Variants in SMPDL3B observed in about 807,000 individuals in gnomAD.
SMPDL3B encodes sphingomyelin phosphodiesterase acid like 3B.
In SMPDL3B, 31 loss-of-function variants were observed where a neutral mutation model predicts 37.9. The observed-to-expected ratio is 0.82, with a 90% confidence interval of 0.61 to 1.10. The LOEUF (loss-of-function observed/expected upper bound fraction) is 1.10. Among genes scored for constraint, SMPDL3B ranks in the 50% least tolerant of loss-of-function variants. The pLI is 0.00. For missense variants in SMPDL3B, 525 were observed against 597.8 expected, an observed-to-expected ratio of 0.88 and a Z score of 1.27; for synonymous variants, 235 against 242.6, an observed-to-expected ratio of 0.97 and a Z score of 0.29.
intron 1 of SMPDL3B, among the ~76,000 whole-genome samples, chr1:27,943,615 G>A (rs2148674926): frequency 6.6e-6 from 1 of 152,120 alleles, no homozygotes; most frequent in East Asian, 1.9e-4. Flanking sequence ...AGAGGGTGAG[G>A]AAATCCTGGG....
At position 27,952,167 on chromosome 1, in the gene SMPDL3B, AT is replaced by A. The variant is rs71027256; in HGVS notation, c.374-1036del. 9.8e-4 allele frequency among the ~76,000 whole-genome samples: 145 copies of A among 148,274 alleles called. 1 individual carries two copies. Among genetic ancestry groups the A allele is most frequent in the South Asian group, 9.4e-3 (44 of 4,686 alleles). On this transcript the variant is annotated intron_variant, in intron 3 of 7. Transcript: ENST00000373894. ...AGTGAGTCCCTCCCTTCTCATAGGGATTTTTTTTTTTTCTTAAATGGATTCT... is the reference window on the plus strand; with the variant it reads ...AGTGAGTCCCTCCCTTCTCATAGGGATTTTTTTTTTTCTTAAATGGATTCT...
intron 3 of SMPDL3B, 103 bp from the exon 4 acceptor site, chr1:27,953,112 C>G: frequency 1.2e-6 from 1 of 811,370 alleles, no homozygotes; most frequent in Non-Finnish European, 2.0e-6. Context: ...TCTGTGCTAT[C>G]GCTCTTCCCC....
chr1:27,946,384 G>C (rs561587619), intron 2 of SMPDL3B, among the ~76,000 whole-genome samples: 59 of 151,690 alleles, frequency 3.9e-4, no homozygotes, highest in African/African-American at 1.1e-3. Context: ...AAGAAAAAAA[G>C]ATACCCCCAT....
In SMPDL3B at chr1:27,954,531, G is replaced by A. The variant is rs767171303; in HGVS notation, c.690+5G>A. On this transcript the variant is annotated splice_donor_5th_base_variant and intron_variant, in intron 5 of 7. Coordinates refer to ENST00000373894, the MANE Select transcript of SMPDL3B (RefSeq NM_014474.4). The stretch of plus-strand genomic sequence containing the variant: ...GCATCCAAAGCTGGGGACATGGTAA[G>A]AGGCCCTGCTTCTTTCTTTTCTCAT... 1.2e-6 allele frequency: 2 copies of A among 1,613,116 alleles called. No homozygotes were observed.
At position 27,958,408 on chromosome 1, in the gene SMPDL3B, C is replaced by G; in HGVS notation, c.1006-68C>G. ...GCTCTAAAGAACTTGGGGGCAAATG[C>G]AAGGTGCAGGATGGGGATGGAAGCA... is the stretch of plus-strand genomic sequence containing the variant. On this transcript the variant is annotated intron_variant, in intron 7 of 7. Coordinates refer to ENST00000373894, the MANE Select transcript of SMPDL3B (RefSeq NM_014474.4). The surrounding 1 kb of genome is among the most constrained non-coding windows in gnomAD (Gnocchi z 5.6). 1.3e-6 allele frequency: 2 copies of G among 1,526,210 alleles called. No homozygotes were observed. The highest frequency in any genetic ancestry group is 2.5e-5 in the South Asian group (2 of 80,124). The allele number at this position is 1,526,210 out of a possible 1,614,324, so 94.5% of individuals were successfully genotyped here. A position where few individuals can be genotyped will look rare whatever the true frequency, so the allele number is the denominator to read the frequency against.
chr1:27,937,023 A>AAAAC (rs57607983), intron 1 of SMPDL3B, among the ~76,000 whole-genome samples: 64,001 of 151,142 alleles, frequency 0.42, 14,130 homozygotes, highest in South Asian at 0.64. Flanking sequence ...TCCGTCTCAA[A>AAAAC]AAACAAACAA....
At chr1:27,948,296 G>A (rs1189607689) in intron 2 of SMPDL3B, among the ~76,000 whole-genome samples, 1 of 152,228 alleles carries the variant, frequency 6.6e-6, no homozygotes, top group Non-Finnish European at 1.5e-5. Flanking sequence ...ACAACACACA[G>A]AAAGTGCCTG....
chr1:27,953,405 GGTC>G, intron 4 of SMPDL3B, 47 bp downstream of exon 4: 1 of 1,517,158 alleles, frequency 6.6e-7, no homozygotes. Flanking sequence ...TGTATGCCAG[GGTC>G]TGATCTTCGT....
chr1:27,949,424 C>G (rs1323255809), intron 3 of SMPDL3B, among the ~76,000 whole-genome samples: 2 of 152,238 alleles, frequency 1.3e-5, no homozygotes, highest in Non-Finnish European at 2.9e-5. Context: ...TCCTGCCTAT[C>G]TCCAGACTCA....
At chr1:27,953,084 A>G in intron 3 of SMPDL3B, 131 bp from the exon 4 acceptor site, 1 of 667,940 alleles carries the variant, frequency 1.5e-6, no homozygotes, top group Non-Finnish European at 2.6e-6. Context: ...TGGGTTTCCT[A>G]TCTGTGTCTT....
intron 5 of SMPDL3B, among the ~76,000 whole-genome samples, chr1:27,955,304 A>G (rs1337365848): frequency 6.6e-6 from 1 of 152,206 alleles, no homozygotes; most frequent in Admixed American, 6.5e-5. Flanking sequence ...TAAGAAACGA[A>G]TGCACATTAC....
intron 2 of SMPDL3B, among the ~76,000 whole-genome samples, chr1:27,947,669 A>T: frequency 7.1e-6 from 1 of 140,426 alleles, no homozygotes; most frequent in Non-Finnish European, 1.5e-5. Flanking sequence ...TTTTTTTAAG[A>T]TGGAGTCTCG....
intron 1 of SMPDL3B, among the ~76,000 whole-genome samples, chr1:27,942,583 A>G (rs2090369714): frequency 6.6e-6 from 1 of 152,138 alleles, no homozygotes; most frequent in Non-Finnish European, 1.5e-5. Context: ...GGTTCAAGCG[A>G]TTCTCCTGCC....
In SMPDL3B at chr1:27,954,464, C is replaced by G. The variant is rs1165713332; in HGVS notation, c.628C>G (p.Pro210Ala). ...SNALTADMAD[P>A]GQQFQWLEDV... is the part of the protein sequence containing the mutation. ...TGCGCTGACAGCAGACATGGCGGAC[C>G]CTGGCCAGCAGTTCCAGTGGCTGGA... The change falls in exon 5 of 8, where the codon CCT (proline) becomes GCT (alanine). Residue 210 changes from proline (P) to alanine (A), a missense_variant. By Grantham distance (27) the Pro-to-Ala change is conservative. Coordinates refer to ENST00000373894, the MANE Select transcript of SMPDL3B (RefSeq NM_014474.4). The G allele has an allele frequency of 1.2e-5, 19 of 1,613,970 alleles. No individual in the cohort carries two copies. Among genetic ancestry groups the G allele is most frequent in the Non-Finnish European group, 1.4e-5 (17 of 1,180,040 alleles).
Position 27,959,091 on chromosome 1 carries a change from A to C in SMPDL3B, c.*253A>C. The stretch of plus-strand genomic sequence containing the variant: ...AGAAATGACGACCCAAGACCCCCCT[A>C]CAAGCATACTTCTTTTGCGTATTAT... On this transcript the variant is annotated 3_prime_UTR_variant, in exon 8 of 8. Coordinates refer to ENST00000373894, the MANE Select transcript of SMPDL3B (RefSeq NM_014474.4). 2.0e-6 allele frequency: 1 copy of C among 503,586 alleles called. No individual in the cohort carries two copies. Among genetic ancestry groups the C allele is most frequent in the South Asian group, 3.0e-5 (1 of 32,820 alleles). 31.2% of individuals were successfully genotyped at this position (503,586 alleles called of 1,614,324 possible). A position where few individuals can be genotyped will look rare whatever the true frequency, so the allele number is the denominator to read the frequency against.
intron 4 of SMPDL3B, among the ~76,000 whole-genome samples, chr1:27,953,814 A>C (rs2090475462): frequency 6.6e-6 from 1 of 152,190 alleles, no homozygotes; most frequent in Non-Finnish European, 1.5e-5. Flanking sequence ...TGACAACCAA[A>C]AATGTCTCAG....
rs540425422 is a variant in SMPDL3B at position 27,954,297 on chromosome 1, G to A, written c.518-57G>A. 73 of 1,527,422 alleles carry A rather than the reference G, an allele frequency of 4.8e-5. 1 individual carries two copies. The highest frequency in any genetic ancestry group is 4.4e-4 in the South Asian group (37 of 84,134). The allele number at this position is 1,527,422 out of a possible 1,614,324, so 94.6% of individuals were successfully genotyped here. ...AGTGGGACATTGAGGTGGAAGGGGC[G>A]GAAGCCTGTCTGGCCAGAGGTGGGG... On this transcript the variant is annotated intron_variant, in intron 4 of 7. Coordinates refer to ENST00000373894, the MANE Select transcript of SMPDL3B (RefSeq NM_014474.4).
intron 2 of SMPDL3B, among the ~76,000 whole-genome samples, chr1:27,947,162 G>A (rs1194759488): frequency 6.6e-6 from 1 of 151,074 alleles, no homozygotes; most frequent in Non-Finnish European, 1.5e-5. Flanking sequence ...TCAGCCTCCC[G>A]AGTAGCTGGG....
rs1571653367 is a variant in SMPDL3B, at chr1:27,945,573, A to G, written c.275+128A>G. Reference sequence around the variant, plus strand: ...AGTCTCACGTGAGGCTGAGGAACCTAAAGCTCAAAGGAATTTTGTAACTTG... The same window carrying G: ...AGTCTCACGTGAGGCTGAGGAACCTGAAGCTCAAAGGAATTTTGTAACTTG... On this transcript the variant is annotated intron_variant, in intron 2 of 7. Coordinates refer to ENST00000373894, the MANE Select transcript of SMPDL3B (RefSeq NM_014474.4). This position sits in a 1 kb window ranked among gnomAD's most constrained non-coding sequence, Gnocchi z 4.0. 2 of 772,910 alleles carry G rather than the reference A, an allele frequency of 2.6e-6. No individual in the cohort carries two copies. The highest frequency in any genetic ancestry group is 2.7e-5 in the East Asian group (1 of 37,154). The allele number at this position is 772,910 out of a possible 1,614,324, so 47.9% of individuals were successfully genotyped here.
Sources: allele counts gnomAD v4.1 joint callset (sites outside exome capture counted in the v4.1 genomes callset), GRCh38; gene constraint gnomAD v4.1.1; non-coding constraint Gnocchi (gnomAD v3.1); transcripts MANE v1.5; gene names NCBI Gene and HGNC (gene_info 2026-07-23, HGNC 2026-07-21).